The following DNAI7 variants were observed in gnomAD, a reference collection of about 807,000 sequenced individuals.
The protein encoded by DNAI7 is dynein axonemal intermediate chain 7, also known as cancer susceptibility 1.
Under a neutral mutation model 86.6 loss-of-function variants are expected in DNAI7, and 78 were observed. The ratio of observed to expected loss-of-function variants is 0.90; its 90% confidence interval spans 0.75 to 1.09. DNAI7 has a LOEUF of 1.09. DNAI7 is among the 50% of genes least tolerant of loss of function. The pLI, the probability that DNAI7 is intolerant of heterozygous loss-of-function variation, is 0.00. For missense variants in DNAI7, 753 were observed against 810.2 expected (o/e 0.93, Z 0.86); for synonymous variants, 274 against 273.0 (o/e 1.00, Z -0.04).
intron 2 of DNAI7, among the ~76,000 whole-genome samples, chr12:25,188,662 A>C (rs1225095443): frequency 8.5e-5 from 10 of 117,054 alleles, no homozygotes; most frequent in African/African-American, 3.1e-4. Context: ...CAACAGAGCA[A>C]GACTCTGTCT....
At chr12:25,182,760 A>C (rs945731987) in intron 2 of DNAI7, among the ~76,000 whole-genome samples, 6 of 151,750 alleles carry the variant, frequency 4.0e-5, no homozygotes, top group African/African-American at 1.5e-4. Flanking sequence ...TCATCTCTAA[A>C]AAAAATTTTT....
intron 12 of DNAI7, among the ~76,000 whole-genome samples, chr12:25,118,349 T>C (rs1940596101): frequency 2.0e-5 from 3 of 151,936 alleles, no homozygotes; most frequent in Admixed American, 6.6e-5. Context: ...CTGCAACCTC[T>C]GCCTCCTGGG....
At chr12:25,191,569 T>C (rs998944554) in intron 1 of DNAI7, among the ~76,000 whole-genome samples, 2 of 151,046 alleles carry the variant, frequency 1.3e-5, no homozygotes, top group African/African-American at 4.9e-5. Context: ...CCGGGCATGG[T>C]GGCATGTGTC....
At chr12:25,117,938 C>CTTTCTTTTTTT (rs1555154890) in intron 12 of DNAI7, among the ~76,000 whole-genome samples, 8 of 135,024 alleles carry the variant, frequency 5.9e-5, no homozygotes, top group Admixed American at 7.8e-5. Context: ...TTTTCTTTTT[C>CTTTCTTTTTTT]TTTTTTTTTT....
chr12:25,110,369 T>C, intron 14 of DNAI7, 129 bp from the exon 15 acceptor site: 1 of 625,612 alleles, frequency 1.6e-6, no homozygotes, highest in Non-Finnish European at 2.9e-6. Context: ...AGTACATGAC[T>C]CCTCTCTCAA....
At chr12:25,168,888 G>A (rs911563996) in intron 2 of DNAI7, among the ~76,000 whole-genome samples, 18 of 151,996 alleles carry the variant, frequency 1.2e-4, no homozygotes, top group African/African-American at 4.1e-4. Flanking sequence ...ACGACAAAAT[G>A]TTTCTTCTAA....
rs1445061736 is a variant in DNAI7, at chr12:25,145,495, TAAAG to T, written c.690-822_690-819del. ...TTTTATTTTTATTCTTTTAAAACTA[TAAAG>T]AGTTATTTCCTTAACTTTTCTGTAC... On this transcript the variant is annotated intron_variant, in intron 8 of 15. Transcript: ENST00000395987. 7.2e-5 allele frequency among the ~76,000 whole-genome samples: 11 copies of T among 152,354 alleles called. 1 individual carries two copies. The highest frequency in any genetic ancestry group is 1.5e-4 in the Non-Finnish European group (10 of 68,022).
chr12:25,161,313 T>C, intron 2 of DNAI7, 116 bp from the exon 3 acceptor site: 6 of 852,854 alleles, frequency 7.0e-6, no homozygotes, highest in Non-Finnish European at 1.2e-5. Flanking sequence ...CAGCCTTTCA[T>C]GCATTCATTC....
chr12:25,194,583 C>CT (rs1182463502), intron 1 of DNAI7, among the ~76,000 whole-genome samples: 2 of 152,092 alleles, frequency 1.3e-5, no homozygotes, highest in Non-Finnish European at 2.9e-5. Flanking sequence ...AATGAGAAGC[C>CT]TTATCATATT....
chr12:25,150,506 A>G (rs1282356952), intron 6 of DNAI7, among the ~76,000 whole-genome samples: 1 of 147,308 alleles, frequency 6.8e-6, no homozygotes, highest in Non-Finnish European at 1.5e-5. Flanking sequence ...CGGGAGGCTG[A>G]GTCAGGAGGA....
chr12:25,126,847 C>A (rs1277645782), intron 9 of DNAI7, among the ~76,000 whole-genome samples: 1 of 152,168 alleles, frequency 6.6e-6, no homozygotes, highest in Admixed American at 6.5e-5. Context: ...TAATTCATAT[C>A]TTTAAAAAGT....
At chr12:25,191,653 A>G (rs2141402278) in intron 1 of DNAI7, among the ~76,000 whole-genome samples, 1 of 152,308 alleles carries the variant, frequency 6.6e-6, no homozygotes, top group South Asian at 2.1e-4. Context: ...CAGTAAGCCA[A>G]CATCGCACCA....
chr12:25,175,177 T>C (rs956370996), intron 2 of DNAI7, among the ~76,000 whole-genome samples: 2 of 152,122 alleles, frequency 1.3e-5, no homozygotes, highest in African/African-American at 4.8e-5. Context: ...CCCACAACTA[T>C]TTCATTCTCA....
At chr12:25,133,212 T>C (rs1943141682) in intron 9 of DNAI7, among the ~76,000 whole-genome samples, 1 of 152,050 alleles carries the variant, frequency 6.6e-6, no homozygotes, top group East Asian at 1.9e-4. Context: ...TTTTAAATCT[T>C]AGTCAACTGC....
At position 25,128,323 on chromosome 12, in the gene DNAI7, G is replaced by A. The variant is rs555133990; in HGVS notation, c.1003-5037C>T. ...TGATAAGGAATTGAAAATGAATTTT[G>A]AAAATACAGCATTAATTAAGAATAA... On this transcript the variant is annotated intron_variant, in intron 9 of 15. Transcript: ENST00000395987. Among the ~76,000 whole-genome samples the A allele has an allele frequency of 1.3e-4, 20 of 152,264 alleles. No homozygotes were observed. The South Asian group carries it at 2.1e-3, about 16-fold the overall frequency.
At chr12:25,144,020 G>A (rs1944516552) in intron 9 of DNAI7, among the ~76,000 whole-genome samples, 1 of 152,048 alleles carries the variant, frequency 6.6e-6, no homozygotes. Context: ...GGTAATATAA[G>A]ATTATTTACT....
intron 2 of DNAI7, among the ~76,000 whole-genome samples, chr12:25,187,287 T>TATTAC (rs1950117982): frequency 6.6e-6 from 1 of 152,176 alleles, no homozygotes; most frequent in Non-Finnish European, 1.5e-5. Flanking sequence ...AATATACTCA[T>TATTAC]TCCCCCAGGT....
rs115927852 is a variant in DNAI7, at chr12:25,177,613, C to T, written c.21+13001G>A. Among the ~76,000 whole-genome samples, 940 of 152,212 alleles carry T rather than the reference C, an allele frequency of 6.2e-3. 9 individuals are homozygous for T. The highest frequency in any genetic ancestry group is 0.021 in the African/African-American group (878 of 41,538). On this transcript the variant is annotated intron_variant, in intron 2 of 15. Coordinates refer to ENST00000395987, the MANE Select transcript of DNAI7 (RefSeq NM_018272.5). ...TACTATCATTAATGCTGCTATAAAC[C>T]TTTGAATATATCTATCCTGGTGTCC...
intron 3 of DNAI7, among the ~76,000 whole-genome samples, chr12:25,159,524 C>T (rs1185959059): frequency 6.6e-6 from 1 of 151,910 alleles, no homozygotes; most frequent in Non-Finnish European, 1.5e-5. Flanking sequence ...TTTTTCTTCT[C>T]CAAAAGGTTT....
Sources: allele counts gnomAD v4.1 joint callset (sites outside exome capture counted in the v4.1 genomes callset), GRCh38; gene constraint gnomAD v4.1.1; transcripts MANE v1.5; gene names NCBI Gene and HGNC (gene_info 2026-07-23, HGNC 2026-07-21).